Variants in KCNQ5 observed in about 807,000 individuals in gnomAD.
KCNQ5 encodes the protein potassium voltage-gated channel subfamily Q member 5, also known as potassium voltage-gated channel subfamily KQT member 5.
Under a neutral mutation model 98.2 loss-of-function variants are expected in KCNQ5, and 30 were observed. That is an observed-to-expected ratio of 0.31 (90% CI 0.23 to 0.41). The LOEUF (loss-of-function observed/expected upper bound fraction) is 0.41, where lower values mean the gene tolerates loss of function less well. KCNQ5 is among the 10% of genes least tolerant of loss of function. The pLI is 1.00. For missense variants in KCNQ5, 835 were observed against 1,182.5 expected (o/e 0.71, Z 4.31); for synonymous variants, 458 against 449.4 (o/e 1.02, Z -0.24).
At chr6:72,748,162 C>T (rs1447786822) in intron 1 of KCNQ5, among the ~76,000 whole-genome samples, 1 of 152,002 alleles carries the variant, frequency 6.6e-6, no homozygotes, top group East Asian at 1.9e-4. Context: ...ATCTTTTATA[C>T]AGTTGATGTG....
rs1777438058 is a variant in KCNQ5, at chr6:73,158,036, G to A, written c.1469-11710G>A. On this transcript the variant is annotated intron_variant, in intron 10 of 13. Transcript: ENST00000370398. The stretch of plus-strand genomic sequence containing the variant: ...TGGGTTTAATGTCCATGGGGAGGCC[G>A]CTGATAGTGTCCGGACCTCCTCTTC... 7.3e-6 allele frequency: 5 copies of A among 680,458 alleles called. No homozygotes were observed. The East Asian group carries it at 1.4e-4, about 19-fold the overall frequency. 42.2% of individuals were successfully genotyped at this position (680,458 alleles called of 1,614,324 possible). A position where few individuals can be genotyped will look rare whatever the true frequency, so the allele number is the denominator to read the frequency against.
At chr6:73,110,190 A>T (rs929911040) in intron 6 of KCNQ5, among the ~76,000 whole-genome samples, 2 of 152,142 alleles carry the variant, frequency 1.3e-5, no homozygotes, top group Non-Finnish European at 2.9e-5. Flanking sequence ...TCCATCTCTA[A>T]CCAAAGGGTT....
chr6:72,749,957 C>A (rs1277461987), intron 1 of KCNQ5, among the ~76,000 whole-genome samples: 3 of 151,984 alleles, frequency 2.0e-5, no homozygotes, highest in Non-Finnish European at 4.4e-5. Flanking sequence ...AAAGCAAAAA[C>A]CTTTTTTAAA....
rs542829180 is a variant in KCNQ5 at position 72,722,071 on chromosome 6, G to A, written c.398+99484G>A. Among the ~76,000 whole-genome samples the A allele has an allele frequency of 4.6e-5, 7 of 152,270 alleles. No homozygotes were observed. The South Asian group carries it at 1.4e-3, about 32-fold the overall frequency. On this transcript the variant is annotated intron_variant, in intron 1 of 13. Transcript: ENST00000370398. Reference sequence around the variant, plus strand: ...TTAATACATGATGACAGAAGCAAGAGACTGGAGTGATACAAGGAAGGGATC... The same window carrying A: ...TTAATACATGATGACAGAAGCAAGAAACTGGAGTGATACAAGGAAGGGATC...
chr6:72,913,101 A>G (rs1780005857), intron 1 of KCNQ5, among the ~76,000 whole-genome samples: 1 of 152,152 alleles, frequency 6.6e-6, no homozygotes, highest in Non-Finnish European at 1.5e-5. Flanking sequence ...CTCATTTATG[A>G]TATATACATT....
intron 1 of KCNQ5, among the ~76,000 whole-genome samples, chr6:72,722,514 C>A (rs925000240): frequency 6.6e-6 from 1 of 152,160 alleles, no homozygotes; most frequent in African/African-American, 2.4e-5. Context: ...GGAGAAGTTT[C>A]TTAGACTCTC....
intron 1 of KCNQ5, among the ~76,000 whole-genome samples, chr6:72,758,647 C>T (rs1772098093): frequency 6.6e-6 from 1 of 152,166 alleles, no homozygotes; most frequent in African/African-American, 2.4e-5. Flanking sequence ...TGAGAACAGG[C>T]ACACAAATGA....
intron 5 of KCNQ5, among the ~76,000 whole-genome samples, chr6:73,100,694 C>G (rs1731794501): frequency 6.7e-6 from 1 of 149,354 alleles, no homozygotes. Flanking sequence ...AAAAGATAAA[C>G]AAAAGAAAAA....
intron 13 of KCNQ5, 66 bp downstream of exon 13, chr6:73,192,757 A>C (rs1431550999): frequency 4.7e-5 from 61 of 1,291,542 alleles, no homozygotes; most frequent in Non-Finnish European, 2.1e-6. Flanking sequence ...TATTATAGGC[A>C]ATTGTATGTA....
At chr6:72,649,757 A>G (rs559932238) in intron 1 of KCNQ5, among the ~76,000 whole-genome samples, 2 of 152,264 alleles carry the variant, frequency 1.3e-5, no homozygotes, top group South Asian at 4.1e-4. Flanking sequence ...CAGTCAGATG[A>G]CAAGCAAATT....
chr6:72,785,862 G>A (rs991162719), intron 1 of KCNQ5, among the ~76,000 whole-genome samples: 7 of 151,836 alleles, frequency 4.6e-5, no homozygotes, highest in South Asian at 2.1e-4. Flanking sequence ...ATCCATTCCC[G>A]CAATAAACAA....
intron 1 of KCNQ5, among the ~76,000 whole-genome samples, chr6:72,900,163 C>T (rs973009453): frequency 1.3e-5 from 2 of 151,934 alleles, no homozygotes; most frequent in Non-Finnish European, 2.9e-5. Context: ...GCATTTGTGT[C>T]CTCATAGCTT....
intron 1 of KCNQ5, among the ~76,000 whole-genome samples, chr6:72,770,493 T>G (rs1212276280): frequency 3.3e-5 from 5 of 152,126 alleles, no homozygotes; most frequent in African/African-American, 4.8e-5. Flanking sequence ...ACGGTAAATA[T>G]TATAATCTGC....
intron 3 of KCNQ5, among the ~76,000 whole-genome samples, chr6:73,073,836 A>G (rs1376401816): frequency 6.6e-6 from 1 of 152,240 alleles, no homozygotes; most frequent in Admixed American, 6.5e-5. Context: ...TAGACAATTA[A>G]CTAACTGCAC....
At chr6:72,870,212 TGCTCCTTG>T (rs1337834869) in intron 1 of KCNQ5, among the ~76,000 whole-genome samples, 1 of 152,174 alleles carries the variant, frequency 6.6e-6, no homozygotes, top group Non-Finnish European at 1.5e-5. Context: ...TAAATAACCC[TGCTCCTTG>T]GCTCCTTGGC....
chr6:72,628,104 G>A (rs1267331655), intron 1 of KCNQ5, among the ~76,000 whole-genome samples: 2 of 152,136 alleles, frequency 1.3e-5, no homozygotes, highest in Non-Finnish European at 2.9e-5. Context: ...GCCTAACAAG[G>A]TGCCTTGTGT....
At chr6:72,716,892 T>G (rs1769674155) in intron 1 of KCNQ5, among the ~76,000 whole-genome samples, 1 of 152,170 alleles carries the variant, frequency 6.6e-6, no homozygotes, top group Non-Finnish European at 1.5e-5. Context: ...AGCAGCAACT[T>G]AAATTCAGTT....
chr6:72,996,673 T>C (rs1178284328), intron 1 of KCNQ5, among the ~76,000 whole-genome samples: 1 of 152,204 alleles, frequency 6.6e-6, no homozygotes, highest in African/African-American at 2.4e-5. Flanking sequence ...AGTATCCAGT[T>C]TGAATCTGTA....
At chr6:72,951,958 C>G (rs982136354) in intron 1 of KCNQ5, among the ~76,000 whole-genome samples, 2 of 152,134 alleles carry the variant, frequency 1.3e-5, no homozygotes, top group African/African-American at 4.8e-5. Context: ...AATGAAATCT[C>G]TCTGAAATTA....
Sources: gnomAD v4.1 joint callset for allele counts (sites outside exome capture counted in the v4.1 genomes callset) on GRCh38, gnomAD v4.1.1 for gene constraint, MANE v1.5 for transcripts, NCBI Gene and HGNC (gene_info 2026-07-23, HGNC 2026-07-21) for gene names.